The following LAP3 variants were observed in gnomAD, a reference collection of about 807,000 sequenced individuals.
LAP3 encodes the protein cytosol aminopeptidase.
LAP3 carries 46 observed loss-of-function variants against 58.8 expected under a neutral mutation model. The ratio of observed to expected loss-of-function variants is 0.78; its 90% CI spans 0.62 to 1.00. LAP3 has a LOEUF of 1.00. Among genes scored for constraint, LAP3 ranks in the 50% least tolerant of loss-of-function variants. The probability of loss-of-function intolerance (pLI) is 0.00; values close to 1 mark genes in which losing one functional copy is unlikely to be tolerated. For synonymous variants in LAP3, 257 were observed against 237.7 expected (o/e 1.08, Z -0.75); for missense variants, 615 against 659.1 (o/e 0.93, Z 0.73).
intron 9 of LAP3, 135 bp from the exon 10 acceptor site, chr4:17,598,321 T>C (rs1713884326): frequency 1.4e-6 from 1 of 712,092 alleles, no homozygotes; most frequent in African/African-American, 1.7e-5. Context: ...CTATTCTCAT[T>C]GAAGTATGAA....
intron 7 of LAP3, among the ~76,000 whole-genome samples, chr4:17,593,085 AT>A (rs1197961239): frequency 2.0e-5 from 3 of 152,258 alleles, no homozygotes; most frequent in African/African-American, 7.2e-5. Flanking sequence ...GGCATGAGCC[AT>A]CACACCCAGC....
At chr4:17,593,559 A>C (rs1230780973) in intron 7 of LAP3, among the ~76,000 whole-genome samples, 2 of 143,666 alleles carry the variant, frequency 1.4e-5, no homozygotes, top group Admixed American at 7.0e-5. Context: ...TTTCAGAATG[A>C]CTTTGGCTAC....
At chr4:17,581,728 T>A (rs781596432) in intron 2 of LAP3, 32 bp from the exon 3 acceptor site, 11 of 1,593,860 alleles carry the variant, frequency 6.9e-6, no homozygotes, top group Non-Finnish European at 7.7e-6. Context: ...GCAAAATACT[T>A]GTTTTAAAAC....
At position 17,607,307 on chromosome 4, in the gene LAP3, T is replaced by C. The variant is rs1482937852; in HGVS notation, c.1371-93T>C. ...TAATAGGTCTTACAAGCTTGACTCT[T>C]GTTCTTTGGTTATAGAATGTACTTA... On this transcript the variant is annotated intron_variant, in intron 12 of 12. Coordinates refer to ENST00000226299, the MANE Select transcript of LAP3 (RefSeq NM_015907.3). 7.6e-6 allele frequency: 8 copies of C among 1,051,950 alleles called. No homozygotes were observed. The East Asian group carries it at 1.9e-4, about 25-fold the overall frequency. 65.2% of individuals were successfully genotyped at this position (1,051,950 alleles called of 1,614,324 possible).
chr4:17,580,956 A>G (rs1046779892), intron 2 of LAP3, among the ~76,000 whole-genome samples: 1 of 152,230 alleles, frequency 6.6e-6, no homozygotes, highest in Non-Finnish European at 1.5e-5. Flanking sequence ...GAGAATTTGT[A>G]TCTCCTCTCA....
chr4:17,583,271 CT>C (rs2109018298), intron 4 of LAP3, among the ~76,000 whole-genome samples: 1 of 152,304 alleles, frequency 6.6e-6, no homozygotes, highest in African/African-American at 2.4e-5. Context: ...TCAGCCTGTC[CT>C]CACCACCACC....
At chr4:17,578,456 C>A (rs983763163) in intron 1 of LAP3, among the ~76,000 whole-genome samples, 1 of 152,114 alleles carries the variant, frequency 6.6e-6, no homozygotes, top group Non-Finnish European at 1.5e-5. Flanking sequence ...TGGAAAAGAC[C>A]GAGAGGGCAC....
At chr4:17,593,537 T>G (rs1713751268) in intron 7 of LAP3, among the ~76,000 whole-genome samples, 1 of 152,052 alleles carries the variant, frequency 6.6e-6, no homozygotes, top group African/African-American at 2.4e-5. Context: ...GTCCTCCAGC[T>G]TTGCTCTTCT....
chr4:17,599,250 T>C (rs188244462), intron 10 of LAP3, among the ~76,000 whole-genome samples: 1 of 152,204 alleles, frequency 6.6e-6, no homozygotes, highest in East Asian at 1.9e-4. Context: ...CTAAAAATGA[T>C]GTTAAGAGCC....
At chr4:17,605,882 A>G (rs1271767242) in intron 11 of LAP3, among the ~76,000 whole-genome samples, 3 of 152,250 alleles carry the variant, frequency 2.0e-5, no homozygotes, top group Non-Finnish European at 4.4e-5. Flanking sequence ...TCCAGAAGGC[A>G]GCCACTTTCA....
At chr4:17,597,199 T>G in intron 9 of LAP3, 65 bp downstream of exon 9, 1 of 1,315,220 alleles carries the variant, frequency 7.6e-7, no homozygotes, top group Non-Finnish European at 1.1e-6. Context: ...GGTGGCCACA[T>G]AACCACAGCT....
chr4:17,590,276 C>T (rs16895265), intron 7 of LAP3, among the ~76,000 whole-genome samples: 2,387 of 152,246 alleles, frequency 0.016, 70 homozygotes, highest in African/African-American at 0.054. Flanking sequence ...GAGAACCATA[C>T]GATGTTGATG....
At position 17,604,672 on chromosome 4, in the gene LAP3, G is replaced by A; in HGVS notation, c.1260+5G>A. 1 of 1,594,912 alleles carries A rather than the reference G, an allele frequency of 6.3e-7. No individual in the cohort carries two copies. On this transcript the variant is annotated splice_donor_5th_base_variant and intron_variant, in intron 11 of 12. Coordinates refer to ENST00000226299, the MANE Select transcript of LAP3 (RefSeq NM_015907.3). ...CTCTGGAACAAACTCTTCGAGGTAG[G>A]AATAATATTTGTATATCTAAATTGT...
At chr4:17,586,297 A>G (rs1344560364) in intron 6 of LAP3, 1 of 152,230 alleles carries the variant, frequency 6.6e-6, no homozygotes, top group Non-Finnish European at 1.5e-5. Context: ...GGGTACTTCC[A>G]TTTAAAAGAA....
chr4:17,583,969 C>T (rs1483227213), intron 5 of LAP3, among the ~76,000 whole-genome samples: 2 of 152,260 alleles, frequency 1.3e-5, no homozygotes, highest in African/African-American at 4.8e-5. Context: ...AATGTTCATT[C>T]ATTTACCTGG....
chr4:17,603,393 C>T (rs1284330621), intron 10 of LAP3, among the ~76,000 whole-genome samples: 1 of 152,022 alleles, frequency 6.6e-6, no homozygotes, highest in Non-Finnish European at 1.5e-5. Flanking sequence ...CATGATAGCT[C>T]ATGCTTGTAA....
At chr4:17,585,847 G>A (rs1235764561) in intron 6 of LAP3, 1 of 152,232 alleles carries the variant, frequency 6.6e-6, no homozygotes, top group Admixed American at 6.5e-5. Context: ...CCTAAAGCCA[G>A]CAGGGGATGG....
intron 1 of LAP3, 26 bp from the exon 2 acceptor site, chr4:17,579,798 T>C (rs1372270105): frequency 7.6e-7 from 1 of 1,316,330 alleles, no homozygotes; most frequent in East Asian, 2.3e-5. Context: ...AATTCTATTA[T>C]ATTTACGTTT....
chr4:17,592,646 G>A (rs1387785351), intron 7 of LAP3, among the ~76,000 whole-genome samples: 4 of 152,136 alleles, frequency 2.6e-5, no homozygotes, highest in Non-Finnish European at 4.4e-5. Flanking sequence ...TTTCCAAAGC[G>A]GGTACATTTT....
Sources: allele counts gnomAD v4.1 joint callset (sites outside exome capture counted in the v4.1 genomes callset), GRCh38; gene constraint gnomAD v4.1.1; transcripts MANE v1.5; gene names NCBI Gene and HGNC (gene_info 2026-07-23, HGNC 2026-07-21).